The following CPLX1 variants were observed in gnomAD, a reference collection of about 807,000 sequenced individuals.
The protein encoded by CPLX1 is complexin-1.
CPLX1 carries 6 observed loss-of-function variants against 15.6 expected under a neutral mutation model. The ratio of observed to expected loss-of-function variants is 0.39; its 90% CI spans 0.21 to 0.76. The LOEUF (loss-of-function observed/expected upper bound fraction) is 0.76. CPLX1 is among the 30% of genes least tolerant of loss of function. CPLX1 has a pLI of 0.43. For synonymous variants in CPLX1, 91 were observed against 75.2 expected (o/e 1.21, Z -1.08); for missense variants, 242 against 188.6 (o/e 1.28, Z -1.66).
intron 2 of CPLX1, among the ~76,000 whole-genome samples, chr4:806,979 A>G (rs1002459357): frequency 6.6e-6 from 1 of 152,252 alleles, no homozygotes; most frequent in Non-Finnish European, 1.5e-5. Flanking sequence ...TACTGGGTAT[A>G]TACCCAAAGG....
chr4:787,035 G>A (rs2152640987), intron 3 of CPLX1: 4 of 985,380 alleles, frequency 4.1e-6, no homozygotes, highest in South Asian at 4.7e-5. Context: ...GGAAGCCTCC[G>A]GCCCGGGGCA....
intron 2 of CPLX1, among the ~76,000 whole-genome samples, chr4:808,709 C>G (rs1746602128): frequency 6.6e-6 from 1 of 152,184 alleles, no homozygotes; most frequent in Admixed American, 6.5e-5. Context: ...GAGAACTAGC[C>G]ACACCCAGAC....
At chr4:794,406 T>G (rs73207752) in intron 2 of CPLX1, among the ~76,000 whole-genome samples, 1 of 152,312 alleles carries the variant, frequency 6.6e-6, no homozygotes, top group Non-Finnish European at 1.5e-5. Flanking sequence ...ATAGCACAGA[T>G]CTGGACTCCT....
chr4:787,764 C>T, intron 3 of CPLX1: 2 of 985,256 alleles, frequency 2.0e-6, no homozygotes, highest in Non-Finnish European at 1.2e-6. Flanking sequence ...ATACGCCTCC[C>T]CACGCCACAC....
At chr4:815,083 G>A (rs1478127336) in intron 2 of CPLX1, among the ~76,000 whole-genome samples, 1 of 152,170 alleles carries the variant, frequency 6.6e-6, no homozygotes, top group Admixed American at 6.5e-5. Flanking sequence ...AAATATAAAT[G>A]CAGAAATTAA....
intron 2 of CPLX1, among the ~76,000 whole-genome samples, chr4:812,064 A>G (rs886558480): frequency 2.0e-5 from 3 of 152,024 alleles, no homozygotes; most frequent in South Asian, 2.1e-4. Context: ...TTACCTGACT[A>G]GAGTCTTTAT....
At chr4:809,695 T>C (rs1746626136) in intron 2 of CPLX1, among the ~76,000 whole-genome samples, 1 of 152,204 alleles carries the variant, frequency 6.6e-6, no homozygotes, top group African/African-American at 2.4e-5. Flanking sequence ...TATGAAGCCA[T>C]CACCACAATC....
Position 815,606 on chromosome 4 carries a change from G to A in CPLX1, c.31+8886C>T, listed in dbSNP as rs574670584. On this transcript the variant is annotated intron_variant, in intron 2 of 3. Coordinates refer to ENST00000304062, the MANE Select transcript of CPLX1 (RefSeq NM_006651.4). Reference sequence around the variant, plus strand: ...CACGTGGCATCTGAGATGACCCCGTGTGGCACTTACTCAGAAACATAAGAC... The same window carrying A: ...CACGTGGCATCTGAGATGACCCCGTATGGCACTTACTCAGAAACATAAGAC... Among the ~76,000 whole-genome samples the A allele has an allele frequency of 2.2e-4, 34 of 152,264 alleles. 1 individual carries two copies. Among genetic ancestry groups the A allele is most frequent in the Middle Eastern group, 3.4e-3 (1 of 294 alleles).
At chr4:787,932 T>A (rs3816674) in intron 3 of CPLX1, 1 of 985,020 alleles carries the variant, frequency 1.0e-6, no homozygotes, top group Non-Finnish European at 1.2e-6. Flanking sequence ...GGAGCTGGAC[T>A]TCCATCCCCT....
At chr4:793,739 G>A (rs192999650) in intron 2 of CPLX1, among the ~76,000 whole-genome samples, 127 of 152,276 alleles carry the variant, frequency 8.3e-4, no homozygotes, top group Admixed American at 3.6e-3. Context: ...GCGGCCACCC[G>A]GCCCCCTCTC....
chr4:813,537 C>T (rs1406417661), intron 2 of CPLX1, among the ~76,000 whole-genome samples: 5 of 152,110 alleles, frequency 3.3e-5, no homozygotes, highest in East Asian at 1.9e-4. Context: ...CCACCACCCA[C>T]GTGGCAATGA....
intron 2 of CPLX1, among the ~76,000 whole-genome samples, chr4:796,543 A>G (rs1746345065): frequency 6.6e-6 from 1 of 152,226 alleles, no homozygotes; most frequent in Non-Finnish European, 1.5e-5. Context: ...TCGGCCTCCT[A>G]AAGTGCTGGG....
chr4:788,972 A>C (rs967120396), intron 3 of CPLX1, among the ~76,000 whole-genome samples: 1 of 152,170 alleles, frequency 6.6e-6, no homozygotes, highest in Admixed American at 6.5e-5. Flanking sequence ...CCCTGTCTGC[A>C]AACGGTGTGG....
intron 2 of CPLX1, among the ~76,000 whole-genome samples, chr4:806,387 T>C (rs183873865): frequency 1.4e-4 from 21 of 152,276 alleles, no homozygotes; most frequent in Admixed American, 9.2e-4. Context: ...ACACCTTATA[T>C]AAAAATTAAC....
intron 2 of CPLX1, among the ~76,000 whole-genome samples, chr4:800,491 T>TAC (rs1174350477): frequency 3.4e-5 from 5 of 145,698 alleles, no homozygotes; most frequent in Admixed American, 2.1e-4. Flanking sequence ...TATATATATA[T>TAC]ACACACACAT....
intron 2 of CPLX1, among the ~76,000 whole-genome samples, chr4:802,773 C>A (rs1191359972): frequency 6.6e-6 from 1 of 152,090 alleles, no homozygotes; most frequent in Non-Finnish European, 1.5e-5. Context: ...CATCGTGAAA[C>A]CCCATCTCTA....
chr4:810,766 G>C (rs545163869), intron 2 of CPLX1, among the ~76,000 whole-genome samples: 2 of 149,346 alleles, frequency 1.3e-5, no homozygotes, highest in Non-Finnish European at 3.0e-5. Context: ...GCGTGGTCTT[G>C]GCTCACTGCA....
At chr4:787,099 G>A (rs1328283244) in intron 3 of CPLX1, 3 of 985,276 alleles carry the variant, frequency 3.0e-6, no homozygotes, top group Admixed American at 1.2e-4. Context: ...CAGTCAACCC[G>A]CAGCTGACCC....
At chr4:795,468 G>A (rs1746305952) in intron 2 of CPLX1, among the ~76,000 whole-genome samples, 1 of 152,226 alleles carries the variant, frequency 6.6e-6, no homozygotes, top group East Asian at 1.9e-4. Context: ...GCGGCGCGGG[G>A]CGGTCCCACG....
Sources: allele counts gnomAD v4.1 joint callset (sites outside exome capture counted in the v4.1 genomes callset), GRCh38; gene constraint gnomAD v4.1.1; transcripts MANE v1.5; gene names NCBI Gene and HGNC (gene_info 2026-07-23, HGNC 2026-07-21).